Variants in GBE1 observed in about 807,000 individuals in gnomAD.
GBE1 encodes 1,4-alpha-glucan branching enzyme 1.
GBE1 carries 70 observed loss-of-function variants against 88.8 expected under a neutral mutation model. The ratio of observed to expected loss-of-function variants is 0.79; its 90% CI spans 0.65 to 0.96. The LOEUF is 0.96. Among genes scored for constraint, GBE1 ranks in the 40% least tolerant of loss-of-function variants. GBE1 has a pLI of 0.00. For missense variants in GBE1, 872 were observed against 871.0 expected (o/e 1.00, Z -0.01); for synonymous variants, 284 against 300.1 (o/e 0.95, Z 0.56).
At chr3:81,754,285 A>C (rs2107240511) in intron 1 of GBE1, among the ~76,000 whole-genome samples, 1 of 152,252 alleles carries the variant, frequency 6.6e-6, no homozygotes, top group African/African-American at 2.4e-5. Flanking sequence ...GAAAACAATA[A>C]AACTCTGATG....
chr3:81,738,141 C>T (rs1373479041), intron 1 of GBE1, among the ~76,000 whole-genome samples: 1 of 151,528 alleles, frequency 6.6e-6, no homozygotes, highest in Non-Finnish European at 1.5e-5. Context: ...TTTTCTTAAT[C>T]CAGTCTATCA....
chr3:81,575,317 T>C (rs116107595), intron 12 of GBE1, among the ~76,000 whole-genome samples: 2,123 of 152,202 alleles, frequency 0.014, 16 homozygotes, highest in Non-Finnish European at 0.021. Context: ...CACAATAACC[T>C]AGCAAATCAA....
intron 10 of GBE1, among the ~76,000 whole-genome samples, chr3:81,584,057 T>C (rs1182521943): frequency 6.6e-6 from 1 of 152,066 alleles, no homozygotes; most frequent in Non-Finnish European, 1.5e-5. Flanking sequence ...AATTAACAGA[T>C]CAATGAATGA....
At chr3:81,534,190 T>TC (rs1433916256) in intron 14 of GBE1, among the ~76,000 whole-genome samples, 1 of 151,956 alleles carries the variant, frequency 6.6e-6, no homozygotes, top group East Asian at 1.9e-4. Context: ...TGCTGATTTA[T>TC]TGCTAGGTCC....
intron 2 of GBE1, among the ~76,000 whole-genome samples, chr3:81,703,594 C>T (rs1376360994): frequency 1.3e-5 from 2 of 151,808 alleles, no homozygotes; most frequent in African/African-American, 2.4e-5. Context: ...TTACTGGAAA[C>T]CTCTTAATTT....
intron 7 of GBE1, among the ~76,000 whole-genome samples, chr3:81,631,259 G>A (rs962295095): frequency 3.3e-5 from 5 of 152,034 alleles, no homozygotes; most frequent in African/African-American, 7.2e-5. Context: ...AAGCAAGGTA[G>A]TCAATTCAAT....
At chr3:81,604,053 ATCT>A (rs990041222) in intron 7 of GBE1, among the ~76,000 whole-genome samples, 17 of 152,226 alleles carry the variant, frequency 1.1e-4, no homozygotes, top group Admixed American at 2.0e-4. Flanking sequence ...GGTTCACAAA[ATCT>A]TCTTATTTTT....
chr3:81,566,347 C>T (rs776801263), intron 12 of GBE1, among the ~76,000 whole-genome samples: 28 of 152,138 alleles, frequency 1.8e-4, no homozygotes, highest in Non-Finnish European at 3.4e-4. Context: ...TTTTGAAAGT[C>T]CCCAGGTGAT....
At chr3:81,586,229 T>A (rs776937215) in intron 9 of GBE1, 39 bp from the exon 10 acceptor site, 3 of 1,230,758 alleles carry the variant, frequency 2.4e-6, no homozygotes, top group Non-Finnish European at 2.3e-6. Context: ...ATCAAACTTT[T>A]AGTAAATATT....
At chr3:81,619,364 G>A (rs1024099499) in intron 7 of GBE1, among the ~76,000 whole-genome samples, 5 of 151,984 alleles carry the variant, frequency 3.3e-5, no homozygotes, top group Admixed American at 2.0e-4. Flanking sequence ...TGGTTTTATG[G>A]TCTTCTGCTA....
chr3:81,652,101 A>T (rs964932819), intron 3 of GBE1, among the ~76,000 whole-genome samples: 1 of 152,230 alleles, frequency 6.6e-6, no homozygotes, highest in African/African-American at 2.4e-5. Flanking sequence ...AGGATAACAT[A>T]ATGATGCCCT....
chr3:81,501,717 A>T (rs1467177611), intron 14 of GBE1, among the ~76,000 whole-genome samples: 1 of 53,556 alleles, frequency 1.9e-5, no homozygotes, highest in Non-Finnish European at 3.0e-5. Context: ...TTTTTTTTTA[A>T]GACAGGGTCT....
At chr3:81,600,300 G>A (rs1362641874) in intron 7 of GBE1, among the ~76,000 whole-genome samples, 1 of 151,682 alleles carries the variant, frequency 6.6e-6, no homozygotes, top group Non-Finnish European at 1.5e-5. Context: ...GACTAAATAA[G>A]CTATTATAAT....
intron 14 of GBE1, among the ~76,000 whole-genome samples, chr3:81,499,449 A>C (rs1413308692): frequency 2.0e-5 from 3 of 152,154 alleles, no homozygotes; most frequent in Admixed American, 6.6e-5. Context: ...CACGACTCAC[A>C]AGTGATCACC....
chr3:81,589,189 C>T (rs1427844721), intron 9 of GBE1, among the ~76,000 whole-genome samples: 1 of 151,840 alleles, frequency 6.6e-6, no homozygotes, highest in African/African-American at 2.4e-5. Flanking sequence ...CACTTATAAC[C>T]ATTCCAGAGG....
chr3:81,705,324 GTC>G, intron 2 of GBE1, 118 bp downstream of exon 2: 1 of 742,546 alleles, frequency 1.3e-6, no homozygotes, highest in Non-Finnish European at 2.0e-6. Flanking sequence ...TATCTGAAAA[GTC>G]TGATATTTAT....
chr3:81,674,655 C>T (rs1392735129), intron 2 of GBE1, among the ~76,000 whole-genome samples: 3 of 151,532 alleles, frequency 2.0e-5, no homozygotes, highest in Non-Finnish European at 4.4e-5. Context: ...GACTCTACTA[C>T]AGAATATAAT....
intron 7 of GBE1, among the ~76,000 whole-genome samples, chr3:81,604,170 G>A (rs913177848): frequency 3.2e-4 from 48 of 151,862 alleles, no homozygotes; most frequent in Admixed American, 2.0e-3. Flanking sequence ...GTTAAGAACC[G>A]TATCTTGTGC....
intron 14 of GBE1, among the ~76,000 whole-genome samples, chr3:81,532,089 C>T (rs1009186926): frequency 6.6e-6 from 1 of 151,858 alleles, no homozygotes; most frequent in African/African-American, 2.4e-5. Flanking sequence ...TGTGGTGCTG[C>T]CAAGGGGTGG....
Sources: allele counts gnomAD v4.1 joint callset (sites outside exome capture counted in the v4.1 genomes callset), GRCh38; gene constraint gnomAD v4.1.1; transcripts MANE v1.5; gene names NCBI Gene and HGNC (gene_info 2026-07-23, HGNC 2026-07-21).